ZNF347: variants seen among roughly 807,000 people sequenced by gnomAD.
ZNF347 encodes zinc finger protein 347, also known as CTD-2620I22.7.
A neutral mutation model predicts 12.9 loss-of-function variants in ZNF347; 19 were observed. The ratio of observed to expected loss-of-function variants is 1.47; its 90% CI spans 1.03 to 2.16. ZNF347 has a LOEUF of 2.16. Ranked by LOEUF, ZNF347 falls within the 30% of genes most tolerant of loss-of-function variation. The pLI is 0.00. For synonymous variants in ZNF347, 328 were observed against 340.6 expected (o/e 0.96, Z 0.41); for missense variants, 1,005 against 990.6 (o/e 1.01, Z -0.19).
intron 2 of ZNF347, among the ~76,000 whole-genome samples, chr19:53,151,723 G>A (rs1372503910): frequency 2.0e-5 from 3 of 152,066 alleles, no homozygotes; most frequent in Non-Finnish European, 2.9e-5. Flanking sequence ...TAATGTGATA[G>A]CTGAGAACAA....
rs8101245 is a variant in ZNF347 at position 53,152,359 on chromosome 19, C to A, written c.15+1374G>T. Among the ~76,000 whole-genome samples, 733 of 151,710 alleles carry A rather than the reference C, an allele frequency of 4.8e-3. 8 individuals are homozygous for A. Among genetic ancestry groups the A allele is most frequent in the African/African-American group, 0.017 (702 of 41,364 alleles). On this transcript the variant is annotated intron_variant, in intron 2 of 4. Coordinates refer to ENST00000334197, the MANE Select transcript of ZNF347 (RefSeq NM_032584.3). ...TGGTGGCTCACGCCTGTAATCCCAG[C>A]GTTTTGGGAGGCCAAGGTGGGCTGA...
At chr19:53,152,092 C>CAAAAAAAAAAAAAA (rs1186310928) in intron 2 of ZNF347, among the ~76,000 whole-genome samples, 32 of 89,782 alleles carry the variant, frequency 3.6e-4, no homozygotes, top group African/African-American at 6.9e-4. Context: ...GACTCTGTCT[C>CAAAAAAAAAAAAAA]AAAAAAAAAA....
intron 4 of ZNF347, among the ~76,000 whole-genome samples, chr19:53,144,978 CAAG>C (rs2090453268): frequency 1.3e-5 from 2 of 151,896 alleles, no homozygotes; most frequent in South Asian, 4.2e-4. Flanking sequence ...TAGAAACCAA[CAAG>C]AAGAGCCTCA....
chr19:53,153,780 T>C lies in ZNF347; in HGVS notation c.-33A>G. 1.2e-6 allele frequency: 2 copies of C among 1,614,074 alleles called. No individual in the cohort carries two copies. The highest frequency in any genetic ancestry group is 1.7e-6 in the Non-Finnish European group (2 of 1,179,924). On this transcript the variant is annotated 5_prime_UTR_variant, in exon 2 of 5. Transcript: ENST00000334197. ...TTGTCTTTCTTTCCTCTTCCTCTTC[T>C]TCAAGGGTTCTTCCTTAGGTAACAG...
chr19:53,145,519 A>G (rs371160513), intron 4 of ZNF347, among the ~76,000 whole-genome samples: 3 of 151,622 alleles, frequency 2.0e-5, no homozygotes, highest in Non-Finnish European at 4.4e-5. Flanking sequence ...CAGCCCCCCA[A>G]GTAGCAGAGA....
At chr19:53,153,074 C>T (rs926256941) in intron 2 of ZNF347, among the ~76,000 whole-genome samples, 2 of 152,168 alleles carry the variant, frequency 1.3e-5, no homozygotes, top group South Asian at 2.1e-4. Flanking sequence ...CCTGCAGAAA[C>T]ACCAGTCTCC....
chr19:53,153,103 A>G (rs1178985509), intron 2 of ZNF347, among the ~76,000 whole-genome samples: 1 of 152,132 alleles, frequency 6.6e-6, no homozygotes, highest in Admixed American at 6.6e-5. Flanking sequence ...GGTTTTCTGA[A>G]AATAGTTCAA....
At chr19:53,146,592 C>A (rs2090464908) in intron 4 of ZNF347, among the ~76,000 whole-genome samples, 1 of 151,892 alleles carries the variant, frequency 6.6e-6, no homozygotes, top group South Asian at 2.1e-4. Flanking sequence ...GTAGGTTTTT[C>A]TAAAAGATAA....
chr19:53,147,886 C>T (rs927659564), intron 4 of ZNF347, among the ~76,000 whole-genome samples: 1 of 152,162 alleles, frequency 6.6e-6, no homozygotes. Context: ...TGTGATTCAT[C>T]ACATCAACAG....
chr19:53,150,385 T>C, intron 2 of ZNF347, among the ~76,000 whole-genome samples: 1 of 152,202 alleles, frequency 6.6e-6, no homozygotes, highest in East Asian at 1.9e-4. Flanking sequence ...ACAGGTATTT[T>C]TGGGCAGAAT....
At position 53,149,315 on chromosome 19, in the gene ZNF347, G is replaced by A. The variant is rs778444799; in HGVS notation, c.68C>T (p.Thr23Ile). 1.9e-6 allele frequency: 3 copies of A among 1,613,960 alleles called. No individual in the cohort carries two copies. The highest frequency in any genetic ancestry group is 3.3e-5 in the Admixed American group (2 of 60,004). The change falls in exon 3 of 5, where the codon ACA (threonine) becomes ATA (isoleucine). Residue 23 changes from threonine to isoleucine, a missense_variant. Thr to Ile is a moderately conservative substitution (Grantham distance 89, BLOSUM62 -1). Coordinates refer to ENST00000334197, the MANE Select transcript of ZNF347 (RefSeq NM_032584.3). ...AGTCCTCTGAGCGGGGTCCAGGCAT[G>A]TCCACTCCTCCTGAGAGAATTCTAT... ...VAIEFSQEEW[T>I]CLDPAQRTLY...
chr19:53,140,571 C>T lies in ZNF347; in HGVS notation c.2257G>A (p.Ala753Thr). Residue 753 changes from alanine (A) to threonine (T), a missense_variant, in exon 5 of 5, where the codon GCA becomes ACA. By Grantham distance (58) the Ala-to-Thr change is moderately conservative (BLOSUM62 0). Coordinates refer to ENST00000334197, the MANE Select transcript of ZNF347 (RefSeq NM_032584.3). ...CCAGTATGAATTCCCCGATGTCTTGCAAGGTGTGAATTCTGAGTGAAGACC... is the reference window on the plus strand; with the variant it reads ...CCAGTATGAATTCCCCGATGTCTTGTAAGGTGTGAATTCTGAGTGAAGACC... ...GKVFTQNSHLARHRGIHTGEK... is the reference protein window; with the variant it reads ...GKVFTQNSHLTRHRGIHTGEK... 6.2e-7 allele frequency: 1 copy of T among 1,613,654 alleles called. No homozygotes were observed. Among genetic ancestry groups the T allele is most frequent in the South Asian group, 1.1e-5 (1 of 91,040 alleles).
chr19:53,157,109 G>A (rs934428819), intron 1 of ZNF347, among the ~76,000 whole-genome samples: 5 of 152,152 alleles, frequency 3.3e-5, no homozygotes, highest in Non-Finnish European at 5.9e-5. Flanking sequence ...CTAAATGAGC[G>A]AAGTCACTGC....
intron 4 of ZNF347, among the ~76,000 whole-genome samples, chr19:53,142,885 A>G (rs2090438972): frequency 6.6e-6 from 1 of 152,224 alleles, no homozygotes; most frequent in Admixed American, 6.5e-5. Flanking sequence ...GGAATTTACC[A>G]TGATCAGACC....
chr19:53,152,291 A>C (rs1280625648), intron 2 of ZNF347, among the ~76,000 whole-genome samples: 1 of 152,122 alleles, frequency 6.6e-6, no homozygotes, highest in East Asian at 1.9e-4. Flanking sequence ...CAAAATTTGC[A>C]GGCTAAAATG....
Position 53,140,613 on chromosome 19 carries a change from A to G in ZNF347, c.2215T>C (p.Cys739Arg). The G allele has an allele frequency of 6.2e-7, 1 of 1,613,442 alleles. No individual in the cohort carries two copies. Among genetic ancestry groups the G allele is most frequent in the Non-Finnish European group, 8.5e-7 (1 of 1,179,908 alleles). The change falls in exon 5 of 5, where the codon TGC becomes CGC. Residue 739 changes from cysteine to arginine, a missense_variant. By Grantham distance (180) the Cys-to-Arg change is radical (BLOSUM62 -3). Coordinates refer to ENST00000334197, the MANE Select transcript of ZNF347 (RefSeq NM_032584.3). ...GTGAAGACCTTCCCACACTCATTGC[A>G]TTTGTAAGGTTTTTTTCCAGTATGG... ...AIHTGKKPYK[C>R]NECGKVFTQN...
Position 53,140,370 on chromosome 19 carries a change from A to G in ZNF347, c.2458T>C (p.Cys820Arg). ...GACTTTAGAACTTTCCACACGTTAC[A>G]TTTGTAAGGTTTCCCACCAGTATGG... ...TIHTGGKPYK[C>R]NVWKVLKSEF... The change falls in exon 5 of 5, where the codon TGT becomes CGT. Residue 820 changes from cysteine (C) to arginine (R), a missense_variant. Cys to Arg is a radical substitution (Grantham distance 180). Coordinates refer to ENST00000334197, the MANE Select transcript of ZNF347 (RefSeq NM_032584.3). 6.2e-7 allele frequency: 1 copy of G among 1,601,286 alleles called. No individual in the cohort carries two copies. Among genetic ancestry groups the G allele is most frequent in the Non-Finnish European group, 8.5e-7 (1 of 1,175,012 alleles).
intron 2 of ZNF347, among the ~76,000 whole-genome samples, chr19:53,152,235 T>A (rs541496371): frequency 6.6e-6 from 1 of 152,110 alleles, no homozygotes. Context: ...AATAAAGATG[T>A]AGAATGAGCT....
chr19:53,147,561 C>G (rs1359461057), intron 4 of ZNF347, among the ~76,000 whole-genome samples: 3 of 149,166 alleles, frequency 2.0e-5, no homozygotes, highest in Admixed American at 1.3e-4. Flanking sequence ...GAGACTATCT[C>G]AAATAATAAT....
Sources: allele counts gnomAD v4.1 joint callset (sites outside exome capture counted in the v4.1 genomes callset), GRCh38; gene constraint gnomAD v4.1.1; transcripts MANE v1.5; gene names NCBI Gene and HGNC (gene_info 2026-07-23, HGNC 2026-07-21).